HTR4: variants seen among roughly 807,000 people sequenced by gnomAD.
HTR4 encodes the protein 5-hydroxytryptamine (serotonin) receptor 4, G protein-coupled.
A neutral mutation model predicts 36.8 loss-of-function variants in HTR4; 16 were observed. The ratio of observed to expected loss-of-function variants is 0.43; its 90% CI spans 0.29 to 0.66. The LOEUF is 0.66. Ranked by LOEUF, HTR4 falls within the 30% of genes least tolerant of loss-of-function variation. HTR4 has a pLI of 0.13. For synonymous variants in HTR4, 189 were observed against 185.1 expected (o/e 1.02, Z -0.17); for missense variants, 438 against 490.9 (o/e 0.89, Z 1.02).
Position 148,533,399 on chromosome 5 carries a change from C to T in HTR4, c.354-10053G>A, listed in dbSNP as rs143943721. Among the ~76,000 whole-genome samples, 814 of 152,318 alleles carry T rather than the reference C, an allele frequency of 5.3e-3. 5 individuals carry two copies. The highest frequency in any genetic ancestry group is 8.9e-3 in the Non-Finnish European group (608 of 68,032). On this transcript the variant is annotated intron_variant, in intron 4 of 6. Coordinates refer to ENST00000377888, the MANE Select transcript of HTR4 (RefSeq NM_000870.7). The stretch of plus-strand genomic sequence containing the variant: ...TTTGTAGACCCAGCCACCAGCTTCT[C>T]CCACTGCAGCCATGTGCAAATGTGT...
At chr5:148,620,949 A>C (rs1051946103) in intron 2 of HTR4, among the ~76,000 whole-genome samples, 1 of 152,202 alleles carries the variant, frequency 6.6e-6, no homozygotes, top group African/African-American at 2.4e-5. Context: ...ATATACACTT[A>C]CTTAGAAGAA....
intron 2 of HTR4, among the ~76,000 whole-genome samples, chr5:148,617,009 T>C (rs181636259): frequency 1.4e-3 from 220 of 152,378 alleles, no homozygotes; most frequent in Non-Finnish European, 2.3e-3. Context: ...CAGAATCTTA[T>C]ATCATTATTT....
intron 4 of HTR4, among the ~76,000 whole-genome samples, chr5:148,543,569 G>T (rs1759227081): frequency 1.3e-5 from 2 of 152,148 alleles, no homozygotes; most frequent in South Asian, 4.1e-4. Flanking sequence ...TATTACATAT[G>T]AAATCACTGG....
chr5:148,534,422 T>C (rs537713469), intron 4 of HTR4, among the ~76,000 whole-genome samples: 2 of 152,268 alleles, frequency 1.3e-5, no homozygotes, highest in Admixed American at 1.3e-4. Flanking sequence ...GGGTACCTGT[T>C]CCCATATCTC....
chr5:148,614,850 C>A (rs1248544896), intron 2 of HTR4, among the ~76,000 whole-genome samples: 1 of 152,104 alleles, frequency 6.6e-6, no homozygotes, highest in Admixed American at 6.6e-5. Context: ...AGCAAACAAC[C>A]CCATCAAAAA....
At chr5:148,503,049 C>T (rs565597636) in intron 6 of HTR4, among the ~76,000 whole-genome samples, 23 of 152,234 alleles carry the variant, frequency 1.5e-4, no homozygotes, top group African/African-American at 3.6e-4. Context: ...GAGAATGGAA[C>T]CAAGTTGGAA....
At chr5:148,473,358 G>A (rs574616924), downstream of HTR4, among the ~76,000 whole-genome samples, 1 of 151,854 alleles carries the variant, frequency 6.6e-6, no homozygotes, top group African/African-American at 2.4e-5. Context: ...ATATGAAGTG[G>A]TGAGTAGTGA....
chr5:148,588,064 G>A (rs1450070194), intron 2 of HTR4, among the ~76,000 whole-genome samples: 1 of 152,040 alleles, frequency 6.6e-6, no homozygotes, highest in African/African-American at 2.4e-5. Flanking sequence ...ATAGGGAAGC[G>A]GTATGATCAA....
chr5:148,585,210 C>T (rs1761302232), intron 2 of HTR4, among the ~76,000 whole-genome samples: 1 of 152,112 alleles, frequency 6.6e-6, no homozygotes, highest in African/African-American at 2.4e-5. Context: ...ATATGGTAGC[C>T]TGGTTCAATG....
At chr5:148,645,369 C>T (rs929347805) in intron 1 of HTR4, 1 of 152,280 alleles carries the variant, frequency 6.6e-6, no homozygotes, top group African/African-American at 2.4e-5. Flanking sequence ...AATACATGGA[C>T]ATAGAAATTT....
At chr5:148,463,023 C>T (rs1330538099) in intron 5 of HTR4, among the ~76,000 whole-genome samples, 5 of 151,858 alleles carry the variant, frequency 3.3e-5, no homozygotes, top group Admixed American at 6.6e-5. Flanking sequence ...AATTTGATAT[C>T]GAAAATCTAC....
At chr5:148,642,393 A>G (rs1753754322) in intron 1 of HTR4, among the ~76,000 whole-genome samples, 1 of 152,208 alleles carries the variant, frequency 6.6e-6, no homozygotes, top group Non-Finnish European at 1.5e-5. Flanking sequence ...AGAAATGTCA[A>G]GTAATTAGAA....
At chr5:148,521,329 A>C (rs1758003609) in intron 5 of HTR4, among the ~76,000 whole-genome samples, 1 of 152,120 alleles carries the variant, frequency 6.6e-6, no homozygotes, top group Non-Finnish European at 1.5e-5. Context: ...TCTTCGAGGA[A>C]ATTTTTGGAT....
chr5:148,520,493 G>A (rs1488533683), intron 5 of HTR4, among the ~76,000 whole-genome samples: 1 of 152,128 alleles, frequency 6.6e-6, no homozygotes, highest in Admixed American at 6.5e-5. Context: ...AATAAGTTTA[G>A]CATATAAATT....
intron 6 of HTR4, among the ~76,000 whole-genome samples, chr5:148,504,156 T>C (rs566717925): frequency 1.5e-4 from 23 of 152,326 alleles, no homozygotes; most frequent in Non-Finnish European, 2.6e-4. Context: ...AATAGACGTC[T>C]ACAGAACTCT....
In HTR4 at chr5:148,482,584, T is replaced by C. The variant is rs1020696799; in HGVS notation, c.*619A>G. 4 of 986,388 alleles carry C rather than the reference T, an allele frequency of 4.1e-6. No individual in the cohort carries two copies. In the African/African-American group the frequency reaches 7.0e-5, roughly 17 times the overall value. The allele number at this position is 986,388 out of a possible 1,614,324, so 61.1% of individuals were successfully genotyped here. On this transcript the variant is annotated 3_prime_UTR_variant, in exon 7 of 7. Coordinates refer to ENST00000377888, the MANE Select transcript of HTR4 (RefSeq NM_000870.7). Reference sequence around the variant, plus strand: ...GACATTGGACATAAGGAAGAGCAAGTGGACGTCTGGGACTGACAAGGGGGC... The same window carrying C: ...GACATTGGACATAAGGAAGAGCAAGCGGACGTCTGGGACTGACAAGGGGGC...
At chr5:148,601,418 C>A (rs1761991811) in intron 2 of HTR4, among the ~76,000 whole-genome samples, 1 of 151,942 alleles carries the variant, frequency 6.6e-6, no homozygotes, top group South Asian at 2.1e-4. Flanking sequence ...TTCATAATAG[C>A]CAAGATGGAA....
intron 2 of HTR4, among the ~76,000 whole-genome samples, chr5:148,607,273 G>A (rs1436110515): frequency 6.6e-6 from 1 of 152,122 alleles, no homozygotes. Context: ...CACAAGTACT[G>A]CTTAGGGGGG....
intron 5 of HTR4, among the ~76,000 whole-genome samples, chr5:148,517,537 G>A (rs1156372926): frequency 2.6e-5 from 4 of 151,618 alleles, no homozygotes; most frequent in African/African-American, 4.8e-5. Context: ...TTCTCATCTC[G>A]ATTGATGGTT....
Sources: allele counts gnomAD v4.1 joint callset (sites outside exome capture counted in the v4.1 genomes callset), GRCh38; gene constraint gnomAD v4.1.1; transcripts MANE v1.5; gene names NCBI Gene and HGNC (gene_info 2026-07-23, HGNC 2026-07-21).